The following CSMD3 variants were observed in gnomAD, a reference collection of about 807,000 sequenced individuals.
CSMD3 encodes the protein CUB and sushi domain-containing protein 3.
In CSMD3, 177 loss-of-function variants were observed where a neutral mutation model predicts 435.2. That is an observed-to-expected ratio of 0.41 (90% confidence interval 0.36 to 0.46). The LOEUF (loss-of-function observed/expected upper bound fraction) is 0.46, where lower values mean the gene tolerates loss of function less well. CSMD3 is among the 20% of genes least tolerant of loss of function. The pLI is 0.34. For missense variants in CSMD3, 4,265 were observed against 4,504.6 expected (o/e 0.95, Z 1.52); for synonymous variants, 1,656 against 1,520.5 (o/e 1.09, Z -2.07).
intron 11 of CSMD3, among the ~76,000 whole-genome samples, chr8:112,848,204 T>C (rs1000415869): frequency 1.1e-4 from 17 of 152,118 alleles, no homozygotes; most frequent in African/African-American, 4.1e-4. Context: ...ATCAGAACTA[T>C]ATGAAAAACC....
intron 6 of CSMD3, among the ~76,000 whole-genome samples, chr8:112,987,954 G>A (rs1468067662): frequency 6.6e-6 from 1 of 151,988 alleles, no homozygotes; most frequent in Non-Finnish European, 1.5e-5. Flanking sequence ...AGAGTTTGGG[G>A]AGAAGCAATG....
chr8:112,827,195 A>AT (rs1330070946), intron 12 of CSMD3, among the ~76,000 whole-genome samples: 2 of 103,696 alleles, frequency 1.9e-5, no homozygotes, highest in East Asian at 2.8e-4. Flanking sequence ...ATATATATAT[A>AT]TATATATATA....
intron 7 of CSMD3, among the ~76,000 whole-genome samples, chr8:112,969,589 T>G (rs1445621715): frequency 6.6e-6 from 1 of 151,980 alleles, no homozygotes; most frequent in African/African-American, 2.4e-5. Flanking sequence ...TATAAAAACC[T>G]CATAACATAT....
At chr8:112,352,788 T>C (rs1826248894) in intron 38 of CSMD3, among the ~76,000 whole-genome samples, 1 of 152,152 alleles carries the variant, frequency 6.6e-6, no homozygotes, top group Admixed American at 6.5e-5. Flanking sequence ...TATACCTAAA[T>C]TGTGTTTTAA....
At chr8:113,106,890 CATG>C (rs2090494239) in intron 4 of CSMD3, among the ~76,000 whole-genome samples, 1 of 135,804 alleles carries the variant, frequency 7.4e-6, no homozygotes, top group Non-Finnish European at 1.6e-5. Flanking sequence ...ATATAACTCA[CATG>C]TGTTCACCCA....
At chr8:112,940,605 A>AT (rs2083423645) in intron 9 of CSMD3, among the ~76,000 whole-genome samples, 1 of 151,780 alleles carries the variant, frequency 6.6e-6, no homozygotes, top group South Asian at 2.1e-4. Context: ...AACTTGTTAT[A>AT]TTCTATAGGT....
At chr8:112,269,705 G>A (rs1285035929) in intron 59 of CSMD3, among the ~76,000 whole-genome samples, 1 of 152,140 alleles carries the variant, frequency 6.6e-6, no homozygotes, top group Non-Finnish European at 1.5e-5. Context: ...TTTTGAAAGA[G>A]TAATTACATG....
chr8:113,198,699 C>T (rs2092686650), intron 3 of CSMD3, among the ~76,000 whole-genome samples: 2 of 151,056 alleles, frequency 1.3e-5, no homozygotes, highest in Non-Finnish European at 1.5e-5. Context: ...ATTAATATGA[C>T]TTAATCATTA....
chr8:112,571,943 A>T (rs898900640), intron 24 of CSMD3, among the ~76,000 whole-genome samples: 9 of 151,830 alleles, frequency 5.9e-5, no homozygotes, highest in Non-Finnish European at 1.0e-4. Context: ...AACAAAAACC[A>T]TTACGTAAAC....
intron 22 of CSMD3, among the ~76,000 whole-genome samples, chr8:112,630,608 T>C (rs4554495): frequency 0.49 from 74,476 of 151,818 alleles, 18,894 homozygotes; most frequent in African/African-American, 0.59. Flanking sequence ...GAAGTGAGAA[T>C]GAAAATAGTG....
At chr8:112,795,222 T>C (rs1028372127) in intron 13 of CSMD3, among the ~76,000 whole-genome samples, 4 of 152,142 alleles carry the variant, frequency 2.6e-5, no homozygotes, top group African/African-American at 9.7e-5. Flanking sequence ...ATAATTATTT[T>C]AGTCAAACTG....
intron 4 of CSMD3, among the ~76,000 whole-genome samples, chr8:113,153,420 C>T (rs188010652): frequency 5.3e-5 from 8 of 152,048 alleles, no homozygotes; most frequent in African/African-American, 1.9e-4. Context: ...AGGGAACAAA[C>T]AATGATTGCT....
intron 22 of CSMD3, among the ~76,000 whole-genome samples, chr8:112,605,795 G>GA (rs1414491929): frequency 2.6e-5 from 4 of 151,900 alleles, no homozygotes; most frequent in Admixed American, 1.3e-4. Context: ...ATAAAACTTG[G>GA]AAAAAATACC....
intron 35 of CSMD3, among the ~76,000 whole-genome samples, chr8:112,391,616 C>A (rs1458768099): frequency 4.0e-5 from 6 of 151,680 alleles, no homozygotes; most frequent in Non-Finnish European, 7.4e-5. Flanking sequence ...TGCTTGAACC[C>A]AGGAGGCAGA....
At chr8:113,207,862 T>A (rs1005855641) in intron 3 of CSMD3, among the ~76,000 whole-genome samples, 1 of 152,188 alleles carries the variant, frequency 6.6e-6, no homozygotes, top group Admixed American at 6.5e-5. Flanking sequence ...TAACGATTTT[T>A]AAATCATTAG....
chr8:112,461,440 T>A (rs1003806855), intron 32 of CSMD3, among the ~76,000 whole-genome samples: 4 of 152,246 alleles, frequency 2.6e-5, no homozygotes, highest in African/African-American at 9.6e-5. Flanking sequence ...TTTTTCTTTT[T>A]ATTATTTCAA....
intron 28 of CSMD3, among the ~76,000 whole-genome samples, chr8:112,510,809 C>T (rs1823042551): frequency 6.6e-6 from 1 of 152,112 alleles, no homozygotes. Flanking sequence ...GACACTCTGT[C>T]TATATTTTAT....
At chr8:112,311,879 G>C (rs374126225) in intron 49 of CSMD3, among the ~76,000 whole-genome samples, 1 of 151,952 alleles carries the variant, frequency 6.6e-6, no homozygotes, top group African/African-American at 2.4e-5. Context: ...GGGCTTTGGG[G>C]GTAAATAGTA....
intron 17 of CSMD3, among the ~76,000 whole-genome samples, chr8:112,665,901 GCAC>G (rs2075510745): frequency 1.3e-5 from 2 of 152,100 alleles, no homozygotes; most frequent in African/African-American, 2.4e-5. Context: ...GTCTTAGACT[GCAC>G]TAGTGTTGAT....
Sources: gnomAD v4.1 joint callset for allele counts (sites outside exome capture counted in the v4.1 genomes callset) on GRCh38, gnomAD v4.1.1 for gene constraint, MANE v1.5 for transcripts, NCBI Gene and HGNC (gene_info 2026-07-23, HGNC 2026-07-21) for gene names.